SMAD3: variants seen among roughly 807,000 people sequenced by gnomAD.
SMAD3 encodes SMAD family member 3.
A neutral mutation model predicts 51.8 loss-of-function variants in SMAD3; 12 were observed. The observed-to-expected ratio is 0.23, with a 90% confidence interval of 0.15 to 0.38. The LOEUF (loss-of-function observed/expected upper bound fraction) is 0.38, where lower values mean the gene tolerates loss of function less well. Ranked by LOEUF, SMAD3 falls within the 10% of genes least tolerant of loss-of-function variation. The probability of loss-of-function intolerance (pLI) is 1.00; values close to 1 mark genes in which losing one functional copy is unlikely to be tolerated. For synonymous variants in SMAD3, 238 were observed against 227.7 expected (o/e 1.05, Z -0.41); for missense variants, 294 against 565.6 (o/e 0.52, Z 4.87).
chr15:67,138,727 G>T (rs1056048648), intron 1 of SMAD3, among the ~76,000 whole-genome samples: 5 of 152,128 alleles, frequency 3.3e-5, no homozygotes, highest in Non-Finnish European at 1.5e-5. Flanking sequence ...ATTTGTGTTT[G>T]TCTAGATCAA....
chr15:67,105,822 T>A (rs541798323), intron 1 of SMAD3, among the ~76,000 whole-genome samples: 1 of 152,312 alleles, frequency 6.6e-6, no homozygotes, highest in African/African-American at 2.4e-5. Flanking sequence ...GGGCCCATTG[T>A]TGACATCTGT....
intron 1 of SMAD3, among the ~76,000 whole-genome samples, chr15:67,100,907 G>A (rs1370593687): frequency 1.3e-5 from 2 of 152,192 alleles, no homozygotes; most frequent in African/African-American, 4.8e-5. Context: ...TATTGGGGAA[G>A]TCACAGTGGA....
At chr15:67,066,971 C>T (rs1339471546) in intron 1 of SMAD3, among the ~76,000 whole-genome samples, 1 of 152,166 alleles carries the variant, frequency 6.6e-6, no homozygotes, top group Non-Finnish European at 1.5e-5. Flanking sequence ...AGTCTCCCGC[C>T]CCCTGAGCAT....
chr15:67,163,944 TAAAAAAAA>T (rs57803788), intron 1 of SMAD3, among the ~76,000 whole-genome samples: 3 of 87,918 alleles, frequency 3.4e-5, no homozygotes, highest in African/African-American at 1.4e-4. Flanking sequence ...GTATCAAAAG[TAAAAAAAA>T]AAAAAAAAAA....
chr15:67,187,636 A>C, intron 8 of SMAD3, 127 bp downstream of exon 8: 24 of 1,237,082 alleles, frequency 1.9e-5, no homozygotes, highest in Non-Finnish European at 2.5e-5. Flanking sequence ...ACCAAAGATC[A>C]GAGAGAGGCC....
At chr15:67,142,642 T>G (rs1308237818) in intron 1 of SMAD3, 2 of 279,360 alleles carry the variant, frequency 7.2e-6, no homozygotes, top group African/African-American at 4.5e-5. Flanking sequence ...ACATCTGGTT[T>G]GTTTTGGAAT....
At chr15:67,142,792 T>C (rs778384272) in intron 1 of SMAD3, 2 of 437,728 alleles carry the variant, frequency 4.6e-6, no homozygotes, top group South Asian at 3.2e-5. Flanking sequence ...GCTTGTGAAA[T>C]AGGCTTGTGA....
intron 1 of SMAD3, among the ~76,000 whole-genome samples, chr15:67,131,201 G>A (rs147655218): frequency 0.021 from 3,223 of 152,314 alleles, 131 homozygotes; most frequent in African/African-American, 0.074. Context: ...CTTCGCATGT[G>A]TAAATCTCCC....
At chr15:67,103,950 A>C (rs1255911549) in intron 1 of SMAD3, among the ~76,000 whole-genome samples, 1 of 152,184 alleles carries the variant, frequency 6.6e-6, no homozygotes, top group African/African-American at 2.4e-5. Context: ...AGAGGTGTTG[A>C]CGTTCAAGGG....
chr15:67,111,650 G>T (rs549182085), intron 1 of SMAD3, among the ~76,000 whole-genome samples: 2 of 152,258 alleles, frequency 1.3e-5, no homozygotes, highest in African/African-American at 4.8e-5. Context: ...CCCCATCCTT[G>T]TCAACACTTG....
chr15:67,086,896 T>A (rs1302362688), intron 1 of SMAD3, among the ~76,000 whole-genome samples: 5 of 43,302 alleles, frequency 1.2e-4, no homozygotes, highest in Non-Finnish European at 3.0e-4. Context: ...ATCTTCTCCT[T>A]TTTTTTTTTT....
At chr15:67,109,837 G>C (rs1016539498) in intron 1 of SMAD3, among the ~76,000 whole-genome samples, 5 of 152,160 alleles carry the variant, frequency 3.3e-5, no homozygotes, top group African/African-American at 1.2e-4. Flanking sequence ...CAGGAAGCAG[G>C]GGCTGCCATC....
At chr15:67,178,446 G>T (rs1962965044) in intron 5 of SMAD3, among the ~76,000 whole-genome samples, 1 of 152,128 alleles carries the variant, frequency 6.6e-6, no homozygotes, top group Admixed American at 6.5e-5. Context: ...AAAGCTATAT[G>T]TTCAAGCTGA....
chr15:67,187,582 C>T, intron 8 of SMAD3, 73 bp downstream of exon 8: 15 of 1,572,314 alleles, frequency 9.5e-6, no homozygotes, highest in Non-Finnish European at 1.1e-5. Flanking sequence ...AGGCAGGGCT[C>T]CTCAGAGATG....
At chr15:67,153,352 C>T (rs1459327473) in intron 1 of SMAD3, among the ~76,000 whole-genome samples, 7 of 152,058 alleles carry the variant, frequency 4.6e-5, no homozygotes, top group African/African-American at 1.4e-4. Context: ...ATTAGCCAGG[C>T]GTGGTGGTGC....
intron 5 of SMAD3, among the ~76,000 whole-genome samples, chr15:67,180,933 C>G (rs1314852606): frequency 6.6e-6 from 1 of 151,834 alleles, no homozygotes; most frequent in Admixed American, 6.6e-5. Flanking sequence ...CTCCTTCCAT[C>G]CAGTCAAGGC....
intron 3 of SMAD3, chr15:67,166,217 AAG>A (rs1480636384): frequency 3.9e-6 from 4 of 1,012,684 alleles, no homozygotes; most frequent in Non-Finnish European, 3.6e-6. Flanking sequence ...TCCCTGTTCA[AAG>A]AGCAAATCTT....
In SMAD3 at chr15:67,191,056, C is replaced by A. The variant is rs1320188213; in HGVS notation, c.*520C>A. On this transcript the variant is annotated 3_prime_UTR_variant, in exon 9 of 9. Transcript: ENST00000327367. ...CCCAGCCCCGCCCCGCCCCGCCCCA[C>A]CACTCCAGCAGACCTTGCCCCTTGT... 1.7e-5 allele frequency: 4 copies of A among 237,410 alleles called. No homozygotes were observed. The highest frequency in any genetic ancestry group is 3.3e-5 in the Non-Finnish European group (4 of 120,412). The allele number at this position is 237,410 out of a possible 1,614,324, so 14.7% of individuals were successfully genotyped here.
chr15:67,081,300 C>T (rs891652852), intron 1 of SMAD3, among the ~76,000 whole-genome samples: 2 of 152,168 alleles, frequency 1.3e-5, no homozygotes, highest in African/African-American at 4.8e-5. Flanking sequence ...ATGGGGATGA[C>T]TAGGCCATCT....
Sources: allele counts gnomAD v4.1 joint callset (sites outside exome capture counted in the v4.1 genomes callset), GRCh38; gene constraint gnomAD v4.1.1; transcripts MANE v1.5; gene names NCBI Gene and HGNC (gene_info 2026-07-23, HGNC 2026-07-21).